Variants in CREBBP observed in about 807,000 individuals in gnomAD.
CREBBP encodes the protein CREB binding lysine acetyltransferase.
CREBBP carries 19 observed loss-of-function variants against 265.0 expected under a neutral mutation model. The ratio of observed to expected loss-of-function variants is 0.07; its 90% CI spans 0.05 to 0.11. The LOEUF is 0.11. Ranked by LOEUF, CREBBP falls within the 10% of genes least tolerant of loss-of-function variation. CREBBP has a pLI of 1.00. For missense variants in CREBBP, 2,525 were observed against 3,219.0 expected, an observed-to-expected ratio of 0.78 and a Z score of 5.22; for synonymous variants, 1,457 against 1,223.7, an observed-to-expected ratio of 1.19 and a Z score of -3.98.
In CREBBP at chr16:3,726,603, TAAA is replaced by T. The variant is rs1424391022; in HGVS notation, c.*1112_*1114del. The T allele has an allele frequency of 4.3e-6, 1 of 233,452 alleles. No homozygotes were observed. 14.5% of individuals were successfully genotyped at this position (233,452 alleles called of 1,614,324 possible). On this transcript the variant is annotated 3_prime_UTR_variant, in exon 31 of 31. Coordinates refer to ENST00000262367, the MANE Select transcript of CREBBP (RefSeq NM_004380.3). ...GACTCAAAAAATATATATAAATAAA[TAAA>T]AACCTTAAACATTCTTACAGGGATC...
rs758931614 is a variant in CREBBP, at chr16:3,728,902, C to G, written c.6145G>C (p.Ala2049Pro). ...VISMQAQAAVAGPRMPSVQPP... is the reference protein window; with the variant it reads ...VISMQAQAAVPGPRMPSVQPP... ...TGCACGCTGGGCATCCGGGGCCCAG[C>G]CACGGCCGCCTGGGCCTGCATGGAT... Residue 2049 changes from alanine (A) to proline (P), a missense_variant, in exon 31 of 31, where the codon GCT becomes CCT. Ala to Pro is a conservative substitution (Grantham distance 27). Around this residue, in one of 19 missense-constraint regions of CREBBP, gnomAD observed 275 missense variants for 276.5 expected, o/e 0.99. Coordinates refer to ENST00000262367, the MANE Select transcript of CREBBP (RefSeq NM_004380.3). This position sits in a 1 kb window ranked among gnomAD's most constrained non-coding sequence, Gnocchi z 8.7. The G allele has an allele frequency of 1.9e-6, 3 of 1,608,208 alleles. No homozygotes were observed. In the Admixed American group the frequency reaches 5.0e-5, roughly 27 times the overall value.
At chr16:3,762,792 T>G (rs2052753796) in intron 16 of CREBBP, among the ~76,000 whole-genome samples, 1 of 149,738 alleles carries the variant, frequency 6.7e-6, no homozygotes. Context: ...TTTATTTTTT[T>G]GAGACGGAGT....
intron 2 of CREBBP, among the ~76,000 whole-genome samples, chr16:3,811,775 T>C (rs964405716): frequency 6.6e-6 from 1 of 152,214 alleles, no homozygotes; most frequent in Non-Finnish European, 1.5e-5. Flanking sequence ...ATTACAGGCA[T>C]GAGCCACCGT....
At chr16:3,868,620 A>C (rs1230554777) in intron 1 of CREBBP, among the ~76,000 whole-genome samples, 2 of 152,152 alleles carry the variant, frequency 1.3e-5, no homozygotes, top group Admixed American at 6.5e-5. Flanking sequence ...TCAGATGCCC[A>C]AGCTGATGCT....
Position 3,729,371 on chromosome 16 carries a change from G to A in CREBBP, c.5676C>T (p.Thr1892=), listed in dbSNP as rs1221962307. The A allele has an allele frequency of 2.5e-6, 4 of 1,608,198 alleles. No homozygotes were observed. Residue 1892 remains threonine, a synonymous_variant, in exon 31 of 31, where the codon ACC becomes ACT. Coordinates refer to ENST00000262367, the MANE Select transcript of CREBBP (RefSeq NM_004380.3). Reference sequence around the variant, plus strand: ...GGGGTGTGCTGGGCTGCTGTGTGGGGGTCCCGGGCGGTGCTGAGGTAGGAG... The same window carrying A: ...GGGGTGTGCTGGGCTGCTGTGTGGGAGTCCCGGGCGGTGCTGAGGTAGGAG... ...LPSPTSAPPG[T]PTQQPSTPQT...
chr16:3,726,493 C>T lies in CREBBP; in HGVS notation c.*1225G>A, dbSNP rs1205599505. On this transcript the variant is annotated 3_prime_UTR_variant, in exon 31 of 31. Transcript: ENST00000262367. The stretch of plus-strand genomic sequence containing the variant: ...CTAAGCCTGGGCCACAGTTCCCAGC[C>T]ACCACCCACGCCGCCACAACCACAA... The T allele has an allele frequency of 8.6e-6, 2 of 233,388 alleles. No individual in the cohort carries two copies. Among genetic ancestry groups the T allele is most frequent in the Non-Finnish European group, 1.7e-5 (2 of 118,144 alleles). The allele number at this position is 233,388 out of a possible 1,614,324, so 14.5% of individuals were successfully genotyped here.
chr16:3,774,531 G>T, intron 12 of CREBBP, 38 bp downstream of exon 12: 1 of 1,613,240 alleles, frequency 6.2e-7, no homozygotes, highest in Non-Finnish European at 8.5e-7. Context: ...CATGTGAGAG[G>T]GAGGGCTATC....
intron 3 of CREBBP, among the ~76,000 whole-genome samples, chr16:3,805,555 A>G (rs895327889): frequency 4.6e-5 from 7 of 152,244 alleles, no homozygotes; most frequent in African/African-American, 1.4e-4. Context: ...GACAACAGAG[A>G]GAGATCCTGG....
At chr16:3,849,883 G>A (rs1056299913) in intron 2 of CREBBP, among the ~76,000 whole-genome samples, 5 of 152,048 alleles carry the variant, frequency 3.3e-5, no homozygotes, top group African/African-American at 1.2e-4. Flanking sequence ...ACATAGCAGG[G>A]AGTGAGCTGA....
At chr16:3,767,571 C>T in intron 16 of CREBBP, 149 bp downstream of exon 16, 1 of 1,051,276 alleles carries the variant, frequency 9.5e-7, no homozygotes, top group South Asian at 1.5e-5. Flanking sequence ...CTGAGTGTTT[C>T]TGCAGGGGAA....
At chr16:3,829,765 C>T (rs1300525932) in intron 2 of CREBBP, among the ~76,000 whole-genome samples, 5 of 152,198 alleles carry the variant, frequency 3.3e-5, no homozygotes, top group Admixed American at 3.3e-4. Flanking sequence ...ACCATTTCCA[C>T]TACACAGTCT....
chr16:3,783,996 T>C (rs1011261134), intron 5 of CREBBP, among the ~76,000 whole-genome samples: 2 of 152,254 alleles, frequency 1.3e-5, no homozygotes, highest in African/African-American at 2.4e-5. Context: ...TGAAAATTTA[T>C]CATATGGCAG....
At chr16:3,782,633 C>T in intron 6 of CREBBP, 51 bp downstream of exon 6, 1 of 1,609,132 alleles carries the variant, frequency 6.2e-7, no homozygotes. Context: ...ACTCCATTCC[C>T]TTTGCTGCAT....
chr16:3,878,394 T>C (rs2055447117), intron 1 of CREBBP, among the ~76,000 whole-genome samples: 1 of 152,252 alleles, frequency 6.6e-6, no homozygotes, highest in South Asian at 2.1e-4. Flanking sequence ...TTAGTGATTT[T>C]TATATACCAT....
At chr16:3,791,117 C>G (rs2053498204) in intron 5 of CREBBP, 1 of 152,584 alleles carries the variant, frequency 6.6e-6, no homozygotes, top group Non-Finnish European at 1.5e-5. Flanking sequence ...CAGCTCCAGC[C>G]AGAGGGGACA....
chr16:3,727,663 T>C lies in CREBBP; in HGVS notation c.*55A>G. The C allele has an allele frequency of 6.2e-7, 1 of 1,613,538 alleles. No homozygotes were observed. Among genetic ancestry groups the C allele is most frequent in the Non-Finnish European group, 8.5e-7 (1 of 1,179,990 alleles). On this transcript the variant is annotated 3_prime_UTR_variant, in exon 31 of 31. Coordinates refer to ENST00000262367, the MANE Select transcript of CREBBP (RefSeq NM_004380.3). ...ATAAAAAGAACCTAGATGCCTGGAT[T>C]TTCAGTACAAAAGGTCCAAGAACAT... is the stretch of plus-strand genomic sequence containing the variant.
chr16:3,849,426 T>TGTGTGTG (rs1567360084), intron 2 of CREBBP, among the ~76,000 whole-genome samples: 9 of 7,778 alleles, frequency 1.2e-3, no homozygotes, highest in African/African-American at 1.4e-3. Flanking sequence ...TGTGTGTGTG[T>TGTGTGTG]GTGTGTGTGT....
intron 28 of CREBBP, among the ~76,000 whole-genome samples, chr16:3,735,749 C>T (rs2052039314): frequency 6.6e-6 from 1 of 152,188 alleles, no homozygotes; most frequent in African/African-American, 2.4e-5. Flanking sequence ...TCACTTTTTA[C>T]ATCAGCGGGT....
rs1295662710 is a variant in CREBBP at position 3,850,658 on chromosome 16, G to A, written c.437C>T (p.Ala146Val). Reference sequence around the variant, plus strand: ...TTGCGGATTCAGTGCTTGGGAGGCAGCGGGGGTGGGCCCAGAGGTGCTGGC... The same window carrying A: ...TTGCGGATTCAGTGCTTGGGAGGCAACGGGGGTGGGCCCAGAGGTGCTGGC... ...QAASTSGPTP[A>V]ASQALNPQAQ... The change falls in exon 2 of 31, where the codon GCT becomes GTT. Residue 146 changes from alanine to valine, a missense_variant. Around this residue, in one of 19 missense-constraint regions of CREBBP, gnomAD observed 356 missense variants for 340.4 expected, o/e 1.05. Transcript: ENST00000262367. 6 of 1,614,094 alleles carry A rather than the reference G, an allele frequency of 3.7e-6. No individual in the cohort carries two copies. The highest frequency in any genetic ancestry group is 1.7e-5 in the Admixed American group (1 of 60,012).
Sources: allele counts gnomAD v4.1 joint callset (sites outside exome capture counted in the v4.1 genomes callset), GRCh38; gene constraint gnomAD v4.1.1; regional missense constraint gnomAD v4.1.1; non-coding constraint Gnocchi (gnomAD v3.1); transcripts MANE v1.5; gene names NCBI Gene and HGNC (gene_info 2026-07-23, HGNC 2026-07-21).